Variants in COL23A1 observed in about 807,000 individuals in gnomAD.
COL23A1 encodes collagen type XXIII alpha 1 chain, also known as collagen alpha-1(XXIII) chain.
COL23A1 carries 97 observed loss-of-function variants against 99.3 expected under a neutral mutation model. The observed-to-expected ratio is 0.98, with a 90% confidence interval of 0.83 to 1.16. The LOEUF (loss-of-function observed/expected upper bound fraction) is 1.16, where lower values mean the gene tolerates loss of function less well. Among genes scored for constraint, COL23A1 ranks in the 50% most tolerant of loss-of-function variants. COL23A1 has a pLI of 0.00. For synonymous variants in COL23A1, 320 were observed against 308.2 expected (o/e 1.04, Z -0.40); for missense variants, 762 against 757.4 (o/e 1.01, Z -0.07).
At position 178,310,630 on chromosome 5, in the gene COL23A1, C is replaced by T. The variant is rs1758620758; in HGVS notation, c.362-3711G>A. 6.6e-6 allele frequency among the ~76,000 whole-genome samples: 1 copy of T among 152,168 alleles called. No individual in the cohort carries two copies. Among genetic ancestry groups the T allele is most frequent in the South Asian group, 2.1e-4 (1 of 4,826 alleles). Reference sequence around the variant, plus strand: ...GTGTCCCATATGCTGAGCTACCGGGCAGGCGGCCTTGGCGACCAGGGAGGC... The same window carrying T: ...GTGTCCCATATGCTGAGCTACCGGGTAGGCGGCCTTGGCGACCAGGGAGGC... On this transcript the variant is annotated intron_variant, in intron 2 of 28. Transcript: ENST00000390654. This position sits in a 1 kb window ranked among gnomAD's most constrained non-coding sequence, Gnocchi z 4.3.
Position 178,306,688 on chromosome 5 carries a change from C to G in COL23A1, c.406+187G>C, listed in dbSNP as rs2973798. ...TGGAATTGTGAATGCCAAGAAGCCCCGGAAAGGCAGTACTGGGTGCTGCGG... is the reference window on the plus strand; with the variant it reads ...TGGAATTGTGAATGCCAAGAAGCCCGGGAAAGGCAGTACTGGGTGCTGCGG... On this transcript the variant is annotated intron_variant, in intron 3 of 28. Transcript: ENST00000390654. The surrounding 1 kb of genome is among the most constrained non-coding windows in gnomAD (Gnocchi z 4.1). 0.68 allele frequency among the ~76,000 whole-genome samples: 103,118 copies of G among 151,110 alleles called. 35,743 individuals carry two copies. Among genetic ancestry groups the G allele is most frequent in the Non-Finnish European group, 0.75 (51,034 of 67,690 alleles).
chr5:178,472,638 G>A (rs1254813683), intron 2 of COL23A1, among the ~76,000 whole-genome samples: 5 of 152,010 alleles, frequency 3.3e-5, no homozygotes, highest in African/African-American at 1.2e-4. Flanking sequence ...ACCCCTTAAA[G>A]GTAAGTGTTA....
At chr5:178,527,611 G>C (rs1760384236) in intron 2 of COL23A1, among the ~76,000 whole-genome samples, 1 of 152,236 alleles carries the variant, frequency 6.6e-6, no homozygotes, top group African/African-American at 2.4e-5. Context: ...GAGGGGCCAG[G>C]GGAGGGGTGG....
intron 2 of COL23A1, among the ~76,000 whole-genome samples, chr5:178,324,494 T>C (rs1415691424): frequency 5.3e-5 from 8 of 152,154 alleles, no homozygotes; most frequent in African/African-American, 1.7e-4. Flanking sequence ...CCACGACCGC[T>C]GCTGCGTGGG....
Position 178,238,703 on chromosome 5 carries a change from G to A in COL23A1, c.1621-3C>T. ...GTGTGAGCTGGGCCTGTGGGTCACT[G>A]GAAAAGGAGGAAGAGACTGAAGGTG... On this transcript the variant is annotated splice_polypyrimidine_tract_variant and splice_region_variant and intron_variant, in intron 28 of 28. Coordinates refer to ENST00000390654, the MANE Select transcript of COL23A1 (RefSeq NM_173465.4). 1 of 1,612,206 alleles carries A rather than the reference G, an allele frequency of 6.2e-7. No homozygotes were observed. The highest frequency in any genetic ancestry group is 8.5e-7 in the Non-Finnish European group (1 of 1,179,988).
chr5:178,427,829 G>A (rs57767328), intron 2 of COL23A1, among the ~76,000 whole-genome samples: 3,433 of 152,268 alleles, frequency 0.023, 132 homozygotes, highest in African/African-American at 0.077. Context: ...GTTGGAGCAC[G>A]GGGGATTTGG....
At chr5:178,417,074 A>G (rs1765352443) in intron 2 of COL23A1, among the ~76,000 whole-genome samples, 1 of 152,162 alleles carries the variant, frequency 6.6e-6, no homozygotes, top group Non-Finnish European at 1.5e-5. Flanking sequence ...TGCTTGTTGA[A>G]TGAATCACGA....
At chr5:178,509,770 G>T (rs1469853748) in intron 2 of COL23A1, among the ~76,000 whole-genome samples, 1 of 152,182 alleles carries the variant, frequency 6.6e-6, no homozygotes, top group Non-Finnish European at 1.5e-5. Context: ...CACCCAACCT[G>T]GAGGGAGCCT....
At chr5:178,378,210 A>G (rs1763185482) in intron 2 of COL23A1, 1 of 152,032 alleles carries the variant, frequency 6.6e-6, no homozygotes, top group Non-Finnish European at 1.5e-5. Flanking sequence ...ACATAGTGAG[A>G]CCCCATCTTT....
chr5:178,433,678 G>A (rs931940669), intron 2 of COL23A1, among the ~76,000 whole-genome samples: 10 of 152,148 alleles, frequency 6.6e-5, no homozygotes, highest in Non-Finnish European at 1.3e-4. Flanking sequence ...ATAGTCCAAG[G>A]ATTTTAGAGT....
intron 2 of COL23A1, among the ~76,000 whole-genome samples, chr5:178,478,848 C>G (rs1011027341): frequency 6.6e-6 from 1 of 152,112 alleles, no homozygotes; most frequent in African/African-American, 2.4e-5. Context: ...GAAGACTTAC[C>G]CCAGAGGATA....
At chr5:178,518,464 T>G (rs555504493) in intron 2 of COL23A1, among the ~76,000 whole-genome samples, 2 of 141,382 alleles carry the variant, frequency 1.4e-5, no homozygotes, top group Non-Finnish European at 3.1e-5. Flanking sequence ...CACTTCCCAG[T>G]AGGGGCGGCC....
intron 2 of COL23A1, among the ~76,000 whole-genome samples, chr5:178,469,527 G>C (rs1016022758): frequency 3.3e-5 from 5 of 152,070 alleles, no homozygotes; most frequent in African/African-American, 1.2e-4. Context: ...GTTCGATGGT[G>C]AGGGGCCGAT....
At chr5:178,437,486 T>G in intron 2 of COL23A1, among the ~76,000 whole-genome samples, 1 of 152,294 alleles carries the variant, frequency 6.6e-6, no homozygotes, top group South Asian at 2.1e-4. Context: ...CATGCCACAG[T>G]TGCCAGTGGA....
At position 178,262,399 on chromosome 5, in the gene COL23A1, C is replaced by T. The variant is rs142258704; in HGVS notation, c.640-147G>A. 5.0e-5 allele frequency: 36 copies of T among 722,046 alleles called. 1 individual carries two copies. The Admixed American group carries it at 9.1e-4, about 18-fold the overall frequency. 44.7% of individuals were successfully genotyped at this position (722,046 alleles called of 1,614,324 possible). On this transcript the variant is annotated intron_variant, in intron 9 of 28. Coordinates refer to ENST00000390654, the MANE Select transcript of COL23A1 (RefSeq NM_173465.4). Reference sequence around the variant, plus strand: ...ACCTGAAGAGCGAGTATCACTGTCCCCACTCCACAGATGAGAATGTTAGGC... The same window carrying T: ...ACCTGAAGAGCGAGTATCACTGTCCTCACTCCACAGATGAGAATGTTAGGC...
intron 5 of COL23A1, among the ~76,000 whole-genome samples, chr5:178,270,781 G>C (rs1214375687): frequency 1.3e-5 from 2 of 152,152 alleles, no homozygotes; most frequent in East Asian, 3.9e-4. Flanking sequence ...AGCTCCCAGG[G>C]ACCACCACAT....
intron 3 of COL23A1, among the ~76,000 whole-genome samples, chr5:178,294,756 T>C (rs1417688062): frequency 6.6e-6 from 1 of 152,170 alleles, no homozygotes; most frequent in Non-Finnish European, 1.5e-5. Flanking sequence ...CCACCTATGG[T>C]TCATAATCCA....
chr5:178,426,693 G>A (rs930712980), intron 2 of COL23A1, among the ~76,000 whole-genome samples: 1 of 152,226 alleles, frequency 6.6e-6, no homozygotes, highest in Non-Finnish European at 1.5e-5. Context: ...GCCGCAGAGA[G>A]AGAGAAAATA....
chr5:178,312,041 G>A (rs1370202486), intron 2 of COL23A1, among the ~76,000 whole-genome samples: 1 of 152,140 alleles, frequency 6.6e-6, no homozygotes, highest in Non-Finnish European at 1.5e-5. Context: ...TGCGTAACTG[G>A]TTCTTATGAG....
Sources: allele counts gnomAD v4.1 joint callset (sites outside exome capture counted in the v4.1 genomes callset), GRCh38; gene constraint gnomAD v4.1.1; non-coding constraint Gnocchi (gnomAD v3.1); transcripts MANE v1.5; gene names NCBI Gene and HGNC (gene_info 2026-07-23, HGNC 2026-07-21).